The following BEND5 variants were observed in gnomAD, a reference collection of about 807,000 sequenced individuals.
BEND5 encodes BEN domain-containing protein 5.
In BEND5, 22 loss-of-function variants were observed where a neutral mutation model predicts 43.9. The observed-to-expected ratio is 0.50, with a 90% confidence interval of 0.36 to 0.72. The LOEUF (loss-of-function observed/expected upper bound fraction) is 0.72, where lower values mean the gene tolerates loss of function less well. Among genes scored for constraint, BEND5 ranks in the 30% least tolerant of loss-of-function variants. The pLI, the probability that BEND5 is intolerant of heterozygous loss-of-function variation, is 0.00. For synonymous variants in BEND5, 228 were observed against 225.9 expected (o/e 1.01, Z -0.08); for missense variants, 428 against 550.6 (o/e 0.78, Z 2.23).
Position 48,776,820 on chromosome 1 carries a change from A to C in BEND5, c.12T>G (p.Phe4Leu). The C allele has an allele frequency of 6.6e-7, 1 of 1,515,570 alleles. No individual in the cohort carries two copies. Among genetic ancestry groups the C allele is most frequent in the Non-Finnish European group, 8.8e-7 (1 of 1,133,066 alleles). The allele number at this position is 1,515,570 out of a possible 1,614,324, so 93.9% of individuals were successfully genotyped here. ...AGACGTTGTCCTCCAGGAACCGCAC[A>C]AAGGCGTACATGGTGGGCGCCGGGG... is the stretch of plus-strand genomic sequence containing the variant. MYAFVRFLEDNVCY... is the reference protein window; with the variant it reads MYALVRFLEDNVCY... Residue 4 changes from phenylalanine to leucine, a missense_variant, in exon 1 of 6, where the codon TTT (phenylalanine) becomes TTG (leucine). By Grantham distance (22) the Phe-to-Leu change is conservative. This residue lies in a region of BEND5 where 107 missense variants were observed against 98.8 expected (regional missense o/e 1.08). Transcript: ENST00000371833.
At chr1:48,774,049 G>A (rs1644961144) in intron 1 of BEND5, among the ~76,000 whole-genome samples, 1 of 152,208 alleles carries the variant, frequency 6.6e-6, no homozygotes. Context: ...GACAGCTCTG[G>A]GCTGGCTTGG....
chr1:48,758,024 C>T (rs555849675), intron 3 of BEND5, among the ~76,000 whole-genome samples: 94 of 152,250 alleles, frequency 6.2e-4, no homozygotes, highest in African/African-American at 2.1e-3. Context: ...TCATTTCTTC[C>T]GGCAGTCAAA....
intron 3 of BEND5, among the ~76,000 whole-genome samples, chr1:48,751,388 T>C (rs906148521): frequency 3.9e-5 from 6 of 152,164 alleles, no homozygotes; most frequent in Admixed American, 6.5e-5. Context: ...CAGAAGCACA[T>C]GGCTAAGGGA....
Position 48,768,328 on chromosome 1 carries a change from A to T in BEND5, c.227-6858T>A, listed in dbSNP as rs137876500. Reference sequence around the variant, plus strand: ...GCCAAACTCCTGAACTACAAGGCTTATGGAAGCCACAAAGCTCTAAATAAT... The same window carrying T: ...GCCAAACTCCTGAACTACAAGGCTTTTGGAAGCCACAAAGCTCTAAATAAT... On this transcript the variant is annotated intron_variant, in intron 1 of 5. Coordinates refer to ENST00000371833, the MANE Select transcript of BEND5 (RefSeq NM_024603.4). 1.0e-3 allele frequency among the ~76,000 whole-genome samples: 156 copies of T among 152,326 alleles called. 2 individuals carry two copies. In the South Asian group the frequency reaches 0.025, roughly 25 times the overall value.
intron 5 of BEND5, among the ~76,000 whole-genome samples, chr1:48,729,870 T>C (rs1196438456): frequency 1.3e-5 from 2 of 151,996 alleles, no homozygotes; most frequent in Non-Finnish European, 2.9e-5. Flanking sequence ...CCTCACTTCA[T>C]CTTGTCTTGG....
At chr1:48,729,745 T>C (rs979099346) in intron 5 of BEND5, among the ~76,000 whole-genome samples, 2 of 152,082 alleles carry the variant, frequency 1.3e-5, no homozygotes, top group Non-Finnish European at 2.9e-5. Context: ...ATAAGCATTC[T>C]TTCTCTGAGG....
At chr1:48,741,773 G>T (rs1649946856) in intron 4 of BEND5, among the ~76,000 whole-genome samples, 1 of 152,194 alleles carries the variant, frequency 6.6e-6, no homozygotes, top group African/African-American at 2.4e-5. Context: ...ACCAACACAT[G>T]ACGCGTTAAG....
chr1:48,728,373 CTT>C (rs11344354), intron 5 of BEND5, among the ~76,000 whole-genome samples: 5 of 145,466 alleles, frequency 3.4e-5, no homozygotes, highest in Admixed American at 2.1e-4. Flanking sequence ...GAACTTTTGC[CTT>C]TTTTTTTTTC....
chr1:48,760,625 G>A (rs1644208329), intron 2 of BEND5, among the ~76,000 whole-genome samples: 1 of 152,212 alleles, frequency 6.6e-6, no homozygotes, highest in Admixed American at 6.5e-5. Flanking sequence ...CAGGCGCATA[G>A]CAGGAGTACA....
At chr1:48,730,781 GGTTTATAACA>G (rs1647994727) in intron 5 of BEND5, among the ~76,000 whole-genome samples, 1 of 152,120 alleles carries the variant, frequency 6.6e-6, no homozygotes, top group Non-Finnish European at 1.5e-5. Flanking sequence ...TAATTAACAA[GGTTTATAACA>G]GTGCTAATGT....
chr1:48,749,826 G>A (rs1458062888), intron 3 of BEND5, among the ~76,000 whole-genome samples: 1 of 152,180 alleles, frequency 6.6e-6, no homozygotes, highest in Non-Finnish European at 1.5e-5. Context: ...AAATGGCAGG[G>A]TATGTGCAGA....
chr1:48,764,845 G>A (rs1644453534), intron 1 of BEND5, among the ~76,000 whole-genome samples: 1 of 152,214 alleles, frequency 6.6e-6, no homozygotes, highest in South Asian at 2.1e-4. Context: ...AGGTGCAGCG[G>A]ATGACAGAGC....
chr1:48,735,403 A>C (rs112907104), intron 5 of BEND5, among the ~76,000 whole-genome samples: 8 of 151,824 alleles, frequency 5.3e-5, no homozygotes, highest in African/African-American at 1.9e-4. Flanking sequence ...GGTGGGAGAG[A>C]GGGAGGAAAG....
intron 5 of BEND5, among the ~76,000 whole-genome samples, chr1:48,733,032 C>T (rs1220158997): frequency 2.0e-5 from 3 of 152,132 alleles, no homozygotes; most frequent in Non-Finnish European, 2.9e-5. Context: ...TTGGTGAAAA[C>T]ACATTAAGCA....
chr1:48,760,058 CAAACAGAGCCA>C (rs1300350327), intron 2 of BEND5, among the ~76,000 whole-genome samples: 1 of 152,180 alleles, frequency 6.6e-6, no homozygotes, highest in Non-Finnish European at 1.5e-5. Flanking sequence ...TAGTGAGATA[CAAACAGAGCCA>C]AAACCAGAAT....
chr1:48,746,397 T>C (rs1455349523), intron 3 of BEND5, among the ~76,000 whole-genome samples: 2 of 152,132 alleles, frequency 1.3e-5, no homozygotes, highest in Non-Finnish European at 2.9e-5. Flanking sequence ...AGCAGGTCCT[T>C]GTACTCCACA....
At chr1:48,737,706 C>T (rs1384262019) in intron 4 of BEND5, among the ~76,000 whole-genome samples, 1 of 152,088 alleles carries the variant, frequency 6.6e-6, no homozygotes, top group African/African-American at 2.4e-5. Flanking sequence ...AATTTGTTCT[C>T]CTTTCTGCAT....
chr1:48,770,296 A>G (rs1303874523), intron 1 of BEND5, among the ~76,000 whole-genome samples: 3 of 152,202 alleles, frequency 2.0e-5, no homozygotes, highest in Non-Finnish European at 4.4e-5. Context: ...GTGAAAAGGA[A>G]AAGGTAGCTG....
intron 3 of BEND5, among the ~76,000 whole-genome samples, chr1:48,744,156 C>T (rs1650367501): frequency 6.6e-6 from 1 of 152,188 alleles, no homozygotes; most frequent in Non-Finnish European, 1.5e-5. Flanking sequence ...ATCGTTCTGA[C>T]AGCACCTCCC....
Sources: allele counts gnomAD v4.1 joint callset (sites outside exome capture counted in the v4.1 genomes callset), GRCh38; gene constraint gnomAD v4.1.1; regional missense constraint gnomAD v4.1.1; transcripts MANE v1.5; gene names NCBI Gene and HGNC (gene_info 2026-07-23, HGNC 2026-07-21).